CEP128: variants seen among roughly 807,000 people sequenced by gnomAD.
CEP128 encodes centrosomal protein 128.
A neutral mutation model predicts 156.7 loss-of-function variants in CEP128; 132 were observed. The observed-to-expected ratio is 0.84, with a 90% CI of 0.73 to 0.97. The LOEUF is 0.97. CEP128 is among the 50% of genes least tolerant of loss of function. The pLI is 0.00. For synonymous variants in CEP128, 469 were observed against 448.9 expected (o/e 1.04, Z -0.57); for missense variants, 1,252 against 1,281.9 (o/e 0.98, Z 0.36).
At position 80,935,424 on chromosome 14, in the gene CEP128, A is replaced by G. The variant is rs149745260; in HGVS notation, c.-16+3961T>C. ...TAATTAGCTGGGTGTGGTGCTGAGC[A>G]CCTGTAATCCCTGCTATTTGAGAGG... is the stretch of plus-strand genomic sequence containing the variant. On this transcript the variant is annotated intron_variant, in intron 2 of 24. Transcript: ENST00000555265. Among the ~76,000 whole-genome samples the G allele has an allele frequency of 3.1e-3, 478 of 151,764 alleles. 4 individuals carry two copies. The highest frequency in any genetic ancestry group is 0.011 in the African/African-American group (459 of 41,294).
chr14:80,575,406 G>A (rs1022486045), intron 20 of CEP128, among the ~76,000 whole-genome samples: 6 of 150,738 alleles, frequency 4.0e-5, no homozygotes, highest in East Asian at 1.9e-4. Context: ...CTTTTTTTTC[G>A]ATTTTTCATT....
chr14:80,925,511 T>A (rs1885096949), intron 2 of CEP128, among the ~76,000 whole-genome samples: 1 of 152,216 alleles, frequency 6.6e-6, no homozygotes, highest in African/African-American at 2.4e-5. Context: ...CAAACAGAGC[T>A]GAGGCCTTTA....
At chr14:80,814,411 G>T (rs1413040527) in intron 13 of CEP128, among the ~76,000 whole-genome samples, 1 of 151,668 alleles carries the variant, frequency 6.6e-6, no homozygotes, top group Admixed American at 6.6e-5. Flanking sequence ...CTCTCAAAGA[G>T]AAGGACTTCC....
At chr14:80,535,242 C>T (rs189785425) in intron 21 of CEP128, among the ~76,000 whole-genome samples, 6 of 152,244 alleles carry the variant, frequency 3.9e-5, no homozygotes, top group Non-Finnish European at 7.4e-5. Flanking sequence ...AATTGAGGAC[C>T]GGAGAGTGTA....
chr14:80,924,265 C>A (rs982882588), intron 2 of CEP128, among the ~76,000 whole-genome samples: 1 of 152,192 alleles, frequency 6.6e-6, no homozygotes, highest in African/African-American at 2.4e-5. Context: ...TACATCAGTG[C>A]TCTTCTGTAA....
intron 17 of CEP128, among the ~76,000 whole-genome samples, 170 bp downstream of exon 17, chr14:80,761,264 TCAC>T (rs531957275): frequency 1.1e-4 from 16 of 151,680 alleles, no homozygotes; most frequent in South Asian, 8.3e-4. Context: ...ATTCGTTCTC[TCAC>T]CACAACTGTG....
At chr14:80,722,999 T>G (rs1380227633) in intron 19 of CEP128, among the ~76,000 whole-genome samples, 22 of 151,986 alleles carry the variant, frequency 1.4e-4, no homozygotes, top group Non-Finnish European at 4.4e-5. Context: ...GCTAATTTTT[T>G]GTATTTTTAG....
At chr14:80,725,814 T>C (rs932982449) in intron 19 of CEP128, among the ~76,000 whole-genome samples, 2 of 152,216 alleles carry the variant, frequency 1.3e-5, no homozygotes, top group Non-Finnish European at 2.9e-5. Flanking sequence ...TATGGAATAA[T>C]CAGGCTTTGG....
intron 8 of CEP128, among the ~76,000 whole-genome samples, chr14:80,877,726 G>A (rs1394440520): frequency 6.6e-6 from 1 of 152,130 alleles, no homozygotes; most frequent in African/African-American, 2.4e-5. Flanking sequence ...CTAGGGACAA[G>A]CTACTTCAGT....
intron 18 of CEP128, among the ~76,000 whole-genome samples, chr14:80,755,671 T>C (rs1301756806): frequency 1.3e-5 from 2 of 152,224 alleles, no homozygotes; most frequent in African/African-American, 4.8e-5. Context: ...ACTTTCCATA[T>C]AGTTTTTTGT....
At chr14:80,787,677 A>G (rs1901483780) in intron 14 of CEP128, among the ~76,000 whole-genome samples, 1 of 152,146 alleles carries the variant, frequency 6.6e-6, no homozygotes, top group South Asian at 2.1e-4. Flanking sequence ...GAGCGAGGGT[A>G]GGGACCTTCA....
At chr14:80,841,926 C>A (rs1005674417) in intron 9 of CEP128, among the ~76,000 whole-genome samples, 9 of 151,896 alleles carry the variant, frequency 5.9e-5, no homozygotes, top group Non-Finnish European at 1.0e-4. Context: ...GTAATAATAG[C>A]CTGGGTAACA....
chr14:80,867,385 T>C (rs1052784072), intron 8 of CEP128, among the ~76,000 whole-genome samples: 6 of 152,222 alleles, frequency 3.9e-5, no homozygotes, highest in African/African-American at 1.4e-4. Flanking sequence ...AATGGAATTT[T>C]TCATTTACTA....
At chr14:80,654,596 A>G (rs762521233) in intron 19 of CEP128, among the ~76,000 whole-genome samples, 7 of 152,174 alleles carry the variant, frequency 4.6e-5, no homozygotes, top group Non-Finnish European at 8.8e-5. Flanking sequence ...TTGGCTTGAA[A>G]TGGTGTCTCC....
chr14:80,877,551 A>C (rs1039407652), intron 8 of CEP128, among the ~76,000 whole-genome samples: 9 of 152,190 alleles, frequency 5.9e-5, no homozygotes, highest in Non-Finnish European at 1.3e-4. Flanking sequence ...CACACACACA[A>C]AAAACACATT....
At chr14:80,800,277 G>A (rs327425) in intron 13 of CEP128, among the ~76,000 whole-genome samples, 81,682 of 151,988 alleles carry the variant, frequency 0.54, 22,692 homozygotes, top group East Asian at 0.77. Flanking sequence ...CAATAACACC[G>A]ACTTCCAGAG....
intron 19 of CEP128, among the ~76,000 whole-genome samples, chr14:80,582,168 A>G (rs1343018326): frequency 6.6e-6 from 1 of 152,178 alleles, no homozygotes; most frequent in Non-Finnish European, 1.5e-5. Context: ...TGCCCAGTTG[A>G]TCTAAGGATG....
chr14:80,710,588 C>T (rs973827520), intron 19 of CEP128, among the ~76,000 whole-genome samples: 21 of 151,974 alleles, frequency 1.4e-4, no homozygotes, highest in Admixed American at 3.9e-4. Context: ...TCATTAAGTA[C>T]TATACAACTG....
chr14:80,842,596 C>A (rs141953437), intron 9 of CEP128, among the ~76,000 whole-genome samples: 86 of 152,022 alleles, frequency 5.7e-4, no homozygotes, highest in African/African-American at 2.0e-3. Flanking sequence ...CAAGCCATTT[C>A]TTTAAACCTT....
Sources: allele counts gnomAD v4.1 joint callset (sites outside exome capture counted in the v4.1 genomes callset), GRCh38; gene constraint gnomAD v4.1.1; transcripts MANE v1.5; gene names NCBI Gene and HGNC (gene_info 2026-07-23, HGNC 2026-07-21).